Variants in KATNA1 observed in about 807,000 individuals in gnomAD.
The protein encoded by KATNA1 is katanin p60 ATPase-containing subunit A1.
KATNA1 carries 42 observed loss-of-function variants against 62.6 expected under a neutral mutation model. That is an observed-to-expected ratio of 0.67 (90% CI 0.52 to 0.87). The LOEUF is 0.87. KATNA1 is among the 40% of genes least tolerant of loss of function. The pLI is 0.00. For missense variants in KATNA1, 498 were observed against 612.5 expected (o/e 0.81, Z 1.97); for synonymous variants, 186 against 201.9 (o/e 0.92, Z 0.67).
chr6:149,622,989 A>C, intron 4 of KATNA1, 114 bp downstream of exon 4: 2 of 760,914 alleles, frequency 2.6e-6, no homozygotes, highest in Middle Eastern at 4.1e-4. Context: ...AGCCTGGGTG[A>C]CAGAGTGAGA....
intron 3 of KATNA1, among the ~76,000 whole-genome samples, chr6:149,624,483 G>GCAAT (rs1779528083): frequency 6.6e-6 from 1 of 151,976 alleles, no homozygotes; most frequent in Admixed American, 6.6e-5. Flanking sequence ...CCAAGCTCAA[G>GCAAT]CAATCCTCCC....
intron 4 of KATNA1, among the ~76,000 whole-genome samples, chr6:149,622,337 G>C (rs911317076): frequency 1.3e-5 from 2 of 151,936 alleles, no homozygotes; most frequent in Non-Finnish European, 2.9e-5. Context: ...GCCAATAATT[G>C]TGTTGTTTTT....
chr6:149,620,501 C>T (rs1165813235), intron 4 of KATNA1, among the ~76,000 whole-genome samples: 1 of 152,066 alleles, frequency 6.6e-6, no homozygotes, highest in Non-Finnish European at 1.5e-5. Context: ...ACCATGCTGG[C>T]CAGGCTGGTC....
chr6:149,599,075 G>A (rs372881111), intron 7 of KATNA1, among the ~76,000 whole-genome samples: 1 of 151,860 alleles, frequency 6.6e-6, no homozygotes, highest in Admixed American at 6.6e-5. Flanking sequence ...ATGTTGCCTA[G>A]GCTGGTCTCA....
chr6:149,625,250 T>A (rs1779561655), intron 3 of KATNA1, among the ~76,000 whole-genome samples: 1 of 152,184 alleles, frequency 6.6e-6, no homozygotes, highest in South Asian at 2.1e-4. Flanking sequence ...AGCAGTGAGA[T>A]GTTTGTGATT....
At chr6:149,628,361 G>A (rs961583054) in intron 3 of KATNA1, among the ~76,000 whole-genome samples, 3 of 149,626 alleles carry the variant, frequency 2.0e-5, no homozygotes, top group Admixed American at 6.8e-5. Context: ...CGCCCGCCTC[G>A]ACCTCCCAAA....
intron 4 of KATNA1, among the ~76,000 whole-genome samples, chr6:149,616,819 A>C (rs553326388): frequency 7.9e-5 from 12 of 152,272 alleles, no homozygotes; most frequent in Admixed American, 6.5e-4. Context: ...TATATCCAAA[A>C]ATCTTAAAAG....
intron 3 of KATNA1, among the ~76,000 whole-genome samples, chr6:149,629,315 A>G (rs1453121828): frequency 6.6e-6 from 1 of 152,124 alleles, no homozygotes; most frequent in African/African-American, 2.4e-5. Context: ...GAAGTAAGTA[A>G]GAGTCCCTGA....
At chr6:149,633,746 A>AT (rs1453445241) in intron 2 of KATNA1, among the ~76,000 whole-genome samples, 1 of 151,832 alleles carries the variant, frequency 6.6e-6, no homozygotes, top group African/African-American at 2.4e-5. Context: ...AAAATAAAAA[A>AT]TAAAAAAAAA....
Position 149,645,837 on chromosome 6 carries a change from T to C in KATNA1, c.-14+2632A>G, listed in dbSNP as rs138408912. 1.4e-4 allele frequency among the ~76,000 whole-genome samples: 21 copies of C among 152,250 alleles called. No individual in the cohort carries two copies. In the East Asian group the frequency reaches 4.0e-3, roughly 29 times the overall value. ...AATTTTACAGCAAATTTTCTAGCAATATAGTATGTGATGCAGTGCTGTCTC... is the reference window on the plus strand; with the variant it reads ...AATTTTACAGCAAATTTTCTAGCAACATAGTATGTGATGCAGTGCTGTCTC... On this transcript the variant is annotated intron_variant, in intron 1 of 10. Transcript: ENST00000367411.
chr6:149,596,419 C>T (rs1029597632), intron 10 of KATNA1, among the ~76,000 whole-genome samples: 1 of 152,130 alleles, frequency 6.6e-6, no homozygotes, highest in African/African-American at 2.4e-5. Flanking sequence ...CCTGTAATCC[C>T]AGCTACTCGG....
intron 2 of KATNA1, among the ~76,000 whole-genome samples, chr6:149,637,918 T>C (rs1177337974): frequency 2.0e-5 from 3 of 152,210 alleles, no homozygotes; most frequent in Non-Finnish European, 4.4e-5. Context: ...ATTCATATAA[T>C]AAAGTGTCAA....
intron 1 of KATNA1, among the ~76,000 whole-genome samples, chr6:149,641,128 C>A (rs529628038): frequency 2.4e-4 from 36 of 151,360 alleles, no homozygotes; most frequent in African/African-American, 8.7e-4. Flanking sequence ...CCTCGGCCTC[C>A]CAAAGTGCTG....
chr6:149,632,673 C>T (rs1779894554), intron 3 of KATNA1, 86 bp downstream of exon 3: 1 of 1,151,490 alleles, frequency 8.7e-7, no homozygotes, highest in African/African-American at 1.6e-5. Flanking sequence ...CCATTCCTGT[C>T]TCTCAGCCAC....
chr6:149,611,778 T>C (rs1778967555), intron 4 of KATNA1, among the ~76,000 whole-genome samples: 1 of 151,990 alleles, frequency 6.6e-6, no homozygotes, highest in African/African-American at 2.4e-5. Context: ...GGTGGGTGGA[T>C]CACGAGGTCA....
chr6:149,625,951 A>G (rs1779588788), intron 3 of KATNA1, among the ~76,000 whole-genome samples: 1 of 150,542 alleles, frequency 6.6e-6, no homozygotes, highest in South Asian at 2.1e-4. Flanking sequence ...AAAAAAAGAC[A>G]CTCCCAGATG....
chr6:149,623,382 G>A, intron 3 of KATNA1, 99 bp from the exon 4 acceptor site: 1 of 769,966 alleles, frequency 1.3e-6, no homozygotes, highest in Admixed American at 2.9e-5. Context: ...AGAAGCCAAT[G>A]CAACAACTGA....
chr6:149,630,411 C>T (rs770230310), intron 3 of KATNA1, among the ~76,000 whole-genome samples: 1 of 152,110 alleles, frequency 6.6e-6, no homozygotes, highest in Admixed American at 6.5e-5. Flanking sequence ...AGTGGATCAC[C>T]TGAGGTCAGG....
In KATNA1 at chr6:149,601,728, C is replaced by G; in HGVS notation, c.754G>C (p.Gly252Arg). The change falls in exon 7 of 11, where the codon GGC becomes CGC. Residue 252 changes from glycine to arginine, a missense_variant. This residue lies in a region of KATNA1 where 267 missense variants were observed against 372.6 expected (regional missense o/e 0.72). Coordinates refer to ENST00000367411, the MANE Select transcript of KATNA1 (RefSeq NM_007044.4). ...TTAGCAAGGAGCGTCTTCCCCGTGCCAGGTGGGCCGACCATCAGTACTCCC... is the reference window on the plus strand; with the variant it reads ...TTAGCAAGGAGCGTCTTCCCCGTGCGAGGTGGGCCGACCATCAGTACTCCC... The part of the protein sequence containing the change: ...WKGVLMVGPP[G>R]TGKTLLAKAV... 6.2e-7 allele frequency: 1 copy of G among 1,606,532 alleles called. No individual in the cohort carries two copies. Among genetic ancestry groups the G allele is most frequent in the Non-Finnish European group, 8.5e-7 (1 of 1,177,328 alleles).
Sources: gnomAD v4.1 joint callset for allele counts (sites outside exome capture counted in the v4.1 genomes callset) on GRCh38, gnomAD v4.1.1 for gene constraint, gnomAD v4.1.1 regional missense constraint, MANE v1.5 for transcripts, NCBI Gene and HGNC (gene_info 2026-07-23, HGNC 2026-07-21) for gene names.